CDH13: variants seen among roughly 807,000 people sequenced by gnomAD.
CDH13 encodes the protein cadherin 13, also known as cadherin-13.
In CDH13, 24 loss-of-function variants were observed where a neutral mutation model predicts 63.8. The observed-to-expected ratio is 0.38, with a 90% confidence interval of 0.27 to 0.53. CDH13 has a LOEUF of 0.53. Ranked by LOEUF, CDH13 falls within the 20% of genes least tolerant of loss-of-function variation. The pLI, the probability that CDH13 is intolerant of heterozygous loss-of-function variation, is 0.85. For synonymous variants in CDH13, 503 were observed against 355.3 expected (o/e 1.42, Z -4.67); for missense variants, 1,049 against 903.1 (o/e 1.16, Z -2.07).
chr16:82,664,786 C>G (rs1362318592), intron 1 of CDH13, among the ~76,000 whole-genome samples: 2 of 152,100 alleles, frequency 1.3e-5, no homozygotes, highest in Non-Finnish European at 2.9e-5. Context: ...TGATATGAAA[C>G]AGTAACAACA....
chr16:83,468,409 C>T (rs1055167630), intron 6 of CDH13, among the ~76,000 whole-genome samples: 1 of 152,200 alleles, frequency 6.6e-6, no homozygotes, highest in Non-Finnish European at 1.5e-5. Flanking sequence ...GTCCAGGGAG[C>T]ACAGCCCCGC....
At chr16:82,742,360 C>G (rs1449971527) in intron 1 of CDH13, among the ~76,000 whole-genome samples, 2 of 151,860 alleles carry the variant, frequency 1.3e-5, no homozygotes, top group African/African-American at 4.8e-5. Context: ...CTACAATGAA[C>G]ATACATAGCA....
In CDH13 at chr16:83,709,105, A is replaced by G. The variant is rs565527257; in HGVS notation, c.1538+30644A>G. Among the ~76,000 whole-genome samples, 43 of 152,316 alleles carry G rather than the reference A, an allele frequency of 2.8e-4. No homozygotes were observed. In the South Asian group the frequency reaches 8.9e-3, roughly 32 times the overall value. On this transcript the variant is annotated intron_variant, in intron 10 of 13. Transcript: ENST00000567109. The stretch of plus-strand genomic sequence containing the variant: ...GGTCAGAGTCAGAGAAGGAGATGCA[A>G]TCACAAAAGCAAGTCATTGGAGCCA...
intron 7 of CDH13, among the ~76,000 whole-genome samples, chr16:83,511,361 C>G (rs894966276): frequency 1.3e-5 from 2 of 151,852 alleles, no homozygotes; most frequent in African/African-American, 2.4e-5. Flanking sequence ...ACTCGGGAGG[C>G]TGAAGCAGGA....
intron 1 of CDH13, among the ~76,000 whole-genome samples, chr16:82,846,587 C>G (rs976854512): frequency 6.6e-6 from 1 of 152,132 alleles, no homozygotes; most frequent in Non-Finnish European, 1.5e-5. Flanking sequence ...ATTGAGATTT[C>G]GACCCAGTTA....
intron 3 of CDH13, among the ~76,000 whole-genome samples, chr16:83,102,916 T>C (rs2034557147): frequency 8.1e-6 from 1 of 123,078 alleles, no homozygotes; most frequent in Non-Finnish European, 1.7e-5. Flanking sequence ...ACTTTCTTTT[T>C]TTTTTTTCTT....
intron 4 of CDH13, among the ~76,000 whole-genome samples, chr16:83,146,231 AAGGAAGGC>A (rs1241166154): frequency 2.0e-5 from 3 of 150,712 alleles, no homozygotes; most frequent in African/African-American, 7.3e-5. Flanking sequence ...GGAAGGAGGG[AAGGAAGGC>A]AGGAAGAAAG....
rs576949825 is a variant in CDH13 at position 83,545,541 on chromosome 16, C to A, written c.961-56913C>A. Among the ~76,000 whole-genome samples the A allele has an allele frequency of 2.6e-5, 4 of 152,288 alleles. No individual in the cohort carries two copies. The East Asian group carries it at 7.7e-4, about 29-fold the overall frequency. On this transcript the variant is annotated intron_variant, in intron 7 of 13. Coordinates refer to ENST00000567109, the MANE Select transcript of CDH13 (RefSeq NM_001257.5). ...TGGACAAGGCCTTCATGGCTGTTCA[C>A]AACCTGCCCCAGCCTCCAGTCCATT...
At chr16:83,669,161 T>G (rs8049978) in intron 8 of CDH13, among the ~76,000 whole-genome samples, 151,704 of 152,300 alleles carry the variant, frequency 1, 75,554 homozygotes, top group Middle Eastern at 1. Flanking sequence ...ACTTGACTGC[T>G]TGTCCCAGAA....
intron 3 of CDH13, among the ~76,000 whole-genome samples, chr16:83,055,434 T>G (rs989395797): frequency 2.0e-5 from 3 of 151,402 alleles, no homozygotes; most frequent in Non-Finnish European, 2.9e-5. Context: ...GAGACAGCAC[T>G]AGAGATCTTT....
intron 6 of CDH13, among the ~76,000 whole-genome samples, chr16:83,479,639 T>G (rs549992791): frequency 7.4e-6 from 1 of 135,386 alleles, no homozygotes; most frequent in Non-Finnish European, 1.6e-5. Flanking sequence ...CCTGGTGGAC[T>G]GAGTGAGACT....
At chr16:83,454,799 C>A (rs76204477) in intron 6 of CDH13, among the ~76,000 whole-genome samples, 31,144 of 151,936 alleles carry the variant, frequency 0.2, 3,289 homozygotes, top group Middle Eastern at 0.28. Context: ...CTCCACCTCC[C>A]GGGTTCCAGC....
intron 11 of CDH13, among the ~76,000 whole-genome samples, chr16:83,774,469 T>C (rs1178402515): frequency 6.6e-6 from 1 of 151,888 alleles, no homozygotes; most frequent in Non-Finnish European, 1.5e-5. Context: ...GCCTCTTGGG[T>C]TCAAGCGATT....
intron 5 of CDH13, among the ~76,000 whole-genome samples, chr16:83,278,508 T>A (rs1411071053): frequency 6.6e-6 from 1 of 152,132 alleles, no homozygotes; most frequent in Non-Finnish European, 1.5e-5. Context: ...CCCGTTATAG[T>A]TGGTTTTGAG....
intron 5 of CDH13, among the ~76,000 whole-genome samples, chr16:83,250,212 G>GA (rs963759105): frequency 3.3e-5 from 5 of 151,658 alleles, no homozygotes; most frequent in South Asian, 2.1e-4. Flanking sequence ...GCCACTATCA[G>GA]AAAAAAAACT....
chr16:83,189,215 T>C (rs2038620113), intron 4 of CDH13, among the ~76,000 whole-genome samples: 1 of 152,114 alleles, frequency 6.6e-6, no homozygotes, highest in African/African-American at 2.4e-5. Flanking sequence ...CTCTGTAGAT[T>C]TCCGCCGTCT....
intron 11 of CDH13, among the ~76,000 whole-genome samples, chr16:83,750,664 G>A (rs1913006330): frequency 6.6e-6 from 1 of 152,164 alleles, no homozygotes; most frequent in South Asian, 2.1e-4. Flanking sequence ...TAAAATGAAG[G>A]CAGAGATCAG....
chr16:83,561,375 G>A lies in CDH13; in HGVS notation c.961-41079G>A, dbSNP rs148120312. Among the ~76,000 whole-genome samples the A allele has an allele frequency of 7.7e-3, 1,140 of 147,340 alleles. 10 individuals are homozygous for A. Among genetic ancestry groups the A allele is most frequent in the African/African-American group, 0.027 (1,078 of 39,710 alleles). ...TGAGAGGCGGAGGTTGTGGTGAGCT[G>A]AGATTGTGCCATTGCACTTCAGCCT... On this transcript the variant is annotated intron_variant, in intron 7 of 13. Coordinates refer to ENST00000567109, the MANE Select transcript of CDH13 (RefSeq NM_001257.5).
In CDH13 at chr16:83,395,641, A is replaced by T. The variant is rs2091873494; in HGVS notation, c.781+50635A>T. On this transcript the variant is annotated intron_variant, in intron 6 of 13. Coordinates refer to ENST00000567109, the MANE Select transcript of CDH13 (RefSeq NM_001257.5). ...CCTGGTCATTGCTCAAAGGTGGTAGAATATAGATGTAGGTCAGTAGTGATA... is the reference window on the plus strand; with the variant it reads ...CCTGGTCATTGCTCAAAGGTGGTAGTATATAGATGTAGGTCAGTAGTGATA... Among the ~76,000 whole-genome samples, 3 of 152,122 alleles carry T rather than the reference A, an allele frequency of 2.0e-5. No homozygotes were observed. The South Asian group carries it at 6.2e-4, about 32-fold the overall frequency.
Sources: allele counts gnomAD v4.1 joint callset (sites outside exome capture counted in the v4.1 genomes callset), GRCh38; gene constraint gnomAD v4.1.1; transcripts MANE v1.5; gene names NCBI Gene and HGNC (gene_info 2026-07-23, HGNC 2026-07-21).